Variants in TJP1 observed in about 807,000 individuals in gnomAD.
TJP1 encodes the protein tight junction protein ZO-1.
In TJP1, 43 loss-of-function variants were observed where a neutral mutation model predicts 194.2. The observed-to-expected ratio is 0.22, with a 90% confidence interval of 0.17 to 0.29. The LOEUF is 0.29. Ranked by LOEUF, TJP1 falls within the 10% of genes least tolerant of loss-of-function variation. TJP1 has a pLI of 1.00. For missense variants in TJP1, 1,971 were observed against 2,185.7 expected (o/e 0.90, Z 1.96); for synonymous variants, 801 against 779.0 (o/e 1.03, Z -0.47).
At chr15:29,817,868 G>T (rs2050041525) in intron 1 of TJP1, among the ~76,000 whole-genome samples, 1 of 152,086 alleles carries the variant, frequency 6.6e-6, no homozygotes. Context: ...GGGAAAGGGA[G>T]GGAAAGCATT....
intron 1 of TJP1, among the ~76,000 whole-genome samples, chr15:29,816,803 A>G (rs1172889155): frequency 6.6e-6 from 1 of 152,220 alleles, no homozygotes; most frequent in Non-Finnish European, 1.5e-5. Flanking sequence ...GTATACACAA[A>G]TTAACTCAAG....
chr15:29,959,759 A>G (rs1399472658), intron 1 of TJP1, among the ~76,000 whole-genome samples: 2 of 152,156 alleles, frequency 1.3e-5, no homozygotes, highest in Non-Finnish European at 2.9e-5. Flanking sequence ...ATTATTATTA[A>G]TTTTGTCGTA....
chr15:29,916,032 G>A (rs2054172552), intron 2 of TJP1, among the ~76,000 whole-genome samples: 1 of 151,972 alleles, frequency 6.6e-6, no homozygotes, highest in South Asian at 2.1e-4. Context: ...ATCACCTGAG[G>A]TCAGGATTTT....
intron 2 of TJP1, among the ~76,000 whole-genome samples, chr15:29,871,711 C>T (rs183965878): frequency 3.9e-4 from 59 of 152,358 alleles, no homozygotes; most frequent in East Asian, 1.7e-3. Context: ...CCAGCCCTAA[C>T]GTCATCGGAC....
intron 2 of TJP1, among the ~76,000 whole-genome samples, chr15:29,787,856 T>C (rs953494261): frequency 1.3e-5 from 2 of 152,180 alleles, no homozygotes; most frequent in South Asian, 2.1e-4. Flanking sequence ...ATGAGAGGAA[T>C]TGCTATGTCC....
chr15:29,726,549 C>T (rs1706422765), intron 17 of TJP1, 70 bp from the exon 18 acceptor site: 10 of 1,431,612 alleles, frequency 7.0e-6, no homozygotes, highest in Non-Finnish European at 9.8e-6. Flanking sequence ...TTCAACCCTG[C>T]TTACAGCTAA....
intron 24 of TJP1, 75 bp from the exon 25 acceptor site, chr15:29,709,111 C>T: frequency 6.3e-6 from 9 of 1,430,074 alleles, no homozygotes; most frequent in Non-Finnish European, 8.6e-6. Context: ...TTAACTTGTC[C>T]TGGTGCTGGA....
exon 1 of TJP1, chr15:29,968,695 T>G: frequency 8.7e-7 from 1 of 1,154,020 alleles, no homozygotes; most frequent in Non-Finnish European, 1.1e-6. Flanking sequence ...GGCAGGAGGC[T>G]GCCGCGGTTG....
intron 1 of TJP1, chr15:29,820,651 A>C (rs768719733): frequency 1.4e-6 from 1 of 697,110 alleles, no homozygotes; most frequent in African/African-American, 1.8e-5. Context: ...CATTCTGTGT[A>C]ATACGGAAAC....
chr15:29,933,896 G>C (rs1596284019), intron 2 of TJP1, among the ~76,000 whole-genome samples: 1 of 152,252 alleles, frequency 6.6e-6, no homozygotes, highest in South Asian at 2.1e-4. Context: ...CATAGTTCAA[G>C]CTGAAGAGGA....
chr15:29,842,148 C>T (rs974773497), intron 2 of TJP1, among the ~76,000 whole-genome samples: 3 of 152,228 alleles, frequency 2.0e-5, no homozygotes, highest in East Asian at 3.9e-4. Flanking sequence ...AGTGAAACGA[C>T]GTATAACAAA....
intron 2 of TJP1, among the ~76,000 whole-genome samples, chr15:29,910,803 T>G (rs760763402): frequency 6.6e-6 from 1 of 152,128 alleles, no homozygotes; most frequent in Non-Finnish European, 1.5e-5. Flanking sequence ...AAGTCCCAAC[T>G]TATACACGGA....
At chr15:29,783,521 C>A (rs1462363273) in intron 2 of TJP1, among the ~76,000 whole-genome samples, 1 of 152,136 alleles carries the variant, frequency 6.6e-6, no homozygotes, top group African/African-American at 2.4e-5. Flanking sequence ...GACACATGCA[C>A]GTATATGTTC....
intron 2 of TJP1, among the ~76,000 whole-genome samples, chr15:29,932,141 G>A (rs1269984531): frequency 6.6e-6 from 1 of 152,050 alleles, no homozygotes; most frequent in Non-Finnish European, 1.5e-5. Context: ...TTAACCGTCT[G>A]GGAATGCAGC....
intron 2 of TJP1, among the ~76,000 whole-genome samples, chr15:29,829,851 G>A (rs933020327): frequency 1.3e-4 from 19 of 151,786 alleles, no homozygotes; most frequent in Admixed American, 6.6e-4. Context: ...TTTAAAGGAC[G>A]ATAAATACAC....
intron 26 of TJP1, 74 bp downstream of exon 26, chr15:29,705,454 C>T: frequency 3.5e-6 from 5 of 1,437,268 alleles, no homozygotes; most frequent in Non-Finnish European, 4.8e-6. Flanking sequence ...ATTAGCCAAG[C>T]ACTATAAGCT....
rs200269338 is a variant in TJP1, at chr15:29,868,282, A to G, written c.307-67580T>C. Reference sequence around the variant, plus strand: ...TCTTTGTAATTTTCCGGGCATTAAAAATAACTGGTCAGTTAGGAGGTGGCT... The same window carrying G: ...TCTTTGTAATTTTCCGGGCATTAAAGATAACTGGTCAGTTAGGAGGTGGCT... On this transcript the variant is annotated intron_variant, in intron 2 of 28. Coordinates refer to the TJP1 transcript ENST00000356107. Among the ~76,000 whole-genome samples, 29 of 152,300 alleles carry G rather than the reference A, an allele frequency of 1.9e-4. 1 individual carries two copies. The East Asian group carries it at 5.6e-3, about 29-fold the overall frequency.
At chr15:29,851,802 G>A (rs766408751) in intron 2 of TJP1, among the ~76,000 whole-genome samples, 2 of 152,220 alleles carry the variant, frequency 1.3e-5, no homozygotes, top group South Asian at 4.1e-4. Context: ...TGGGAGCCAG[G>A]CATGGTGGCA....
intron 25 of TJP1, among the ~76,000 whole-genome samples, chr15:29,708,220 T>G (rs1403874457): frequency 7.0e-6 from 1 of 143,346 alleles, no homozygotes; most frequent in East Asian, 2.0e-4. Context: ...AAAAAAAGCA[T>G]GGGCTCAGAG....
Sources: allele counts gnomAD v4.1 joint callset (sites outside exome capture counted in the v4.1 genomes callset), GRCh38; gene constraint gnomAD v4.1.1; transcripts MANE v1.5; gene names NCBI Gene and HGNC (gene_info 2026-07-23, HGNC 2026-07-21).